The following RBPMS2 variants were observed in gnomAD, a reference collection of about 807,000 sequenced individuals.
RBPMS2 encodes the protein RNA binding protein, mRNA processing factor 2.
In RBPMS2, 14 loss-of-function variants were observed where a neutral mutation model predicts 25.7. The observed-to-expected ratio is 0.55, with a 90% CI of 0.36 to 0.85. The LOEUF (loss-of-function observed/expected upper bound fraction) is 0.85, where lower values mean the gene tolerates loss of function less well. RBPMS2 is among the 40% of genes least tolerant of loss of function. The probability of loss-of-function intolerance (pLI) is 0.01; values close to 1 mark genes in which losing one functional copy is unlikely to be tolerated. For synonymous variants in RBPMS2, 127 were observed against 115.6 expected (o/e 1.10, Z -0.63); for missense variants, 252 against 283.4 (o/e 0.89, Z 0.80).
intron 1 of RBPMS2, among the ~76,000 whole-genome samples, 176 bp downstream of exon 1, chr15:64,775,057 C>T (rs2083920238): frequency 6.6e-6 from 1 of 150,708 alleles, no homozygotes; most frequent in Non-Finnish European, 1.5e-5. Flanking sequence ...CAGTCCAGGC[C>T]GCACGCTCCC....
At chr15:64,752,047 C>A (rs2083687440) in intron 1 of RBPMS2, among the ~76,000 whole-genome samples, 1 of 151,540 alleles carries the variant, frequency 6.6e-6, no homozygotes, top group African/African-American at 2.4e-5. Flanking sequence ...TCACTGCAAC[C>A]TCCACCTCCT....
At chr15:64,746,024 T>G (rs527839140) in intron 6 of RBPMS2, among the ~76,000 whole-genome samples, 1 of 152,298 alleles carries the variant, frequency 6.6e-6, no homozygotes, top group Admixed American at 6.5e-5. Flanking sequence ...GTGTCCATAC[T>G]TCATTTAGAC....
At chr15:64,763,517 C>G (rs1476686089) in intron 1 of RBPMS2, among the ~76,000 whole-genome samples, 1 of 152,240 alleles carries the variant, frequency 6.6e-6, no homozygotes, top group Non-Finnish European at 1.5e-5. Flanking sequence ...CCTGCTATCC[C>G]TCTTGCCCCA....
intron 1 of RBPMS2, among the ~76,000 whole-genome samples, chr15:64,762,707 A>G (rs1224767780): frequency 2.0e-5 from 3 of 152,162 alleles, no homozygotes; most frequent in Admixed American, 1.3e-4. Flanking sequence ...TGTCAGCCTC[A>G]GCTACAGTAG....
Position 64,741,245 on chromosome 15 carries a change from G to C in RBPMS2, c.568-3C>G. The C allele has an allele frequency of 6.3e-7, 1 of 1,587,444 alleles. No homozygotes were observed. Among genetic ancestry groups the C allele is most frequent in the Non-Finnish European group, 8.6e-7 (1 of 1,166,688 alleles). On this transcript the variant is annotated splice_polypyrimidine_tract_variant and splice_region_variant and intron_variant, in intron 6 of 7. Transcript: ENST00000300069. ...TCAGAGGAAGGGTACCAGCGCACCT[G>C]CAAGAGAAGCCAACGTCAGGAGCCA...
chr15:64,767,547 G>C (rs755121280), intron 1 of RBPMS2, among the ~76,000 whole-genome samples: 4 of 152,188 alleles, frequency 2.6e-5, no homozygotes, highest in Non-Finnish European at 4.4e-5. Flanking sequence ...AAGGATAAAA[G>C]GGTTCAGAGC....
chr15:64,768,454 A>G (rs942382646), intron 1 of RBPMS2, among the ~76,000 whole-genome samples: 3 of 152,110 alleles, frequency 2.0e-5, no homozygotes, highest in Non-Finnish European at 4.4e-5. Context: ...GCCTGCCAAC[A>G]TGGTGAAACC....
intron 3 of RBPMS2, among the ~76,000 whole-genome samples, chr15:64,749,970 G>A (rs568750370): frequency 5.5e-4 from 83 of 152,078 alleles, no homozygotes; most frequent in Non-Finnish European, 9.4e-4. Flanking sequence ...CCAAAGGCTA[G>A]CGGGCCCTGG....
At chr15:64,749,306 G>C in intron 4 of RBPMS2, 125 bp downstream of exon 4, 1 of 1,305,686 alleles carries the variant, frequency 7.7e-7, no homozygotes, top group East Asian at 2.3e-5. Flanking sequence ...CTTGAGTAAT[G>C]GCCTTTGGCA....
At chr15:64,755,956 A>G (rs1371974814) in intron 1 of RBPMS2, among the ~76,000 whole-genome samples, 1 of 152,034 alleles carries the variant, frequency 6.6e-6, no homozygotes, top group African/African-American at 2.4e-5. Context: ...GGAGTCCTCA[A>G]CTACCCTTTC....
intron 1 of RBPMS2, among the ~76,000 whole-genome samples, chr15:64,752,243 A>T (rs998453160): frequency 6.6e-6 from 1 of 152,054 alleles, no homozygotes; most frequent in Non-Finnish European, 1.5e-5. Context: ...AATCCATTGC[A>T]CCACTGGCCC....
intron 6 of RBPMS2, among the ~76,000 whole-genome samples, chr15:64,745,540 C>A (rs1797333417): frequency 6.6e-6 from 1 of 152,098 alleles, no homozygotes; most frequent in African/African-American, 2.4e-5. Flanking sequence ...CCATGGAAGA[C>A]CCGCATATCC....
At chr15:64,752,107 G>A (rs1433555776) in intron 1 of RBPMS2, among the ~76,000 whole-genome samples, 1 of 151,608 alleles carries the variant, frequency 6.6e-6, no homozygotes, top group African/African-American at 2.4e-5. Context: ...TGGGATTACT[G>A]GGGTACACCA....
intron 1 of RBPMS2, among the ~76,000 whole-genome samples, chr15:64,765,835 T>C (rs566195933): frequency 6.6e-6 from 1 of 150,424 alleles, no homozygotes; most frequent in Non-Finnish European, 1.5e-5. Flanking sequence ...TAAGATCAAG[T>C]GTAAAAAATT....
chr15:64,768,694 G>A (rs1224074792), intron 1 of RBPMS2, among the ~76,000 whole-genome samples: 1 of 151,558 alleles, frequency 6.6e-6, no homozygotes, highest in Non-Finnish European at 1.5e-5. Flanking sequence ...CTACTAGGGA[G>A]GCTGAGGTGG....
intron 1 of RBPMS2, among the ~76,000 whole-genome samples, chr15:64,755,590 G>A (rs1567066773): frequency 6.6e-6 from 1 of 152,184 alleles, no homozygotes; most frequent in Non-Finnish European, 1.5e-5. Context: ...TGCTGTTTGT[G>A]AGGGCAGGGG....
rs575933917 is a variant in RBPMS2 at position 64,742,454 on chromosome 15, C to A, written c.568-1212G>T. Among the ~76,000 whole-genome samples the A allele has an allele frequency of 3.9e-5, 6 of 152,360 alleles. No homozygotes were observed. In the East Asian group the frequency reaches 9.7e-4, roughly 25 times the overall value. ...GCCAGAAGGCCCCACAGAGCAGTAG[C>A]CCCAAAGCTGGGTTCCCAGAGACTG... On this transcript the variant is annotated intron_variant, in intron 6 of 7. Transcript: ENST00000300069.
intron 1 of RBPMS2, among the ~76,000 whole-genome samples, chr15:64,759,367 C>T (rs959780554): frequency 1.3e-5 from 2 of 152,190 alleles, no homozygotes; most frequent in Non-Finnish European, 2.9e-5. Context: ...GTCACCCAGC[C>T]CTCTCTTTCA....
In RBPMS2 at chr15:64,749,212, G is replaced by T. The variant is rs946700337; in HGVS notation, c.268-62C>A. 2.5e-5 allele frequency: 39 copies of T among 1,583,024 alleles called. No homozygotes were observed. The South Asian group carries it at 3.9e-4, about 16-fold the overall frequency. On this transcript the variant is annotated intron_variant, in intron 4 of 7. Coordinates refer to ENST00000300069, the MANE Select transcript of RBPMS2 (RefSeq NM_194272.3). ...CGGGGGACCCAGAGTGTTAATGGCAGAGAGTAGAGAAGGGCGCCATAAACA... is the reference window on the plus strand; with the variant it reads ...CGGGGGACCCAGAGTGTTAATGGCATAGAGTAGAGAAGGGCGCCATAAACA...
Sources: allele counts gnomAD v4.1 joint callset (sites outside exome capture counted in the v4.1 genomes callset), GRCh38; gene constraint gnomAD v4.1.1; transcripts MANE v1.5; gene names NCBI Gene and HGNC (gene_info 2026-07-23, HGNC 2026-07-21).